The following ATP6V0A4 variants were observed in gnomAD, a reference collection of about 807,000 sequenced individuals.
ATP6V0A4 encodes V-type proton ATPase 116 kDa subunit a 4.
Under a neutral mutation model 107.3 loss-of-function variants are expected in ATP6V0A4, and 86 were observed. That is an observed-to-expected ratio of 0.80 (90% CI 0.67 to 0.96). The LOEUF (loss-of-function observed/expected upper bound fraction) is 0.96, where lower values mean the gene tolerates loss of function less well. Ranked by LOEUF, ATP6V0A4 falls within the 40% of genes least tolerant of loss-of-function variation. The probability of loss-of-function intolerance (pLI) is 0.00; values close to 1 mark genes in which losing one functional copy is unlikely to be tolerated. For synonymous variants in ATP6V0A4, 353 were observed against 381.4 expected, an observed-to-expected ratio of 0.93 and a Z score of 0.87; for missense variants, 908 against 1,045.6, an observed-to-expected ratio of 0.87 and a Z score of 1.81.
chr7:138,790,790 C>T (rs1431092466), intron 1 of ATP6V0A4, among the ~76,000 whole-genome samples: 1 of 152,166 alleles, frequency 6.6e-6, no homozygotes, highest in East Asian at 1.9e-4. Flanking sequence ...AACTGACACA[C>T]ATCGTCTCAA....
intron 20 of ATP6V0A4, among the ~76,000 whole-genome samples, chr7:138,710,610 T>C (rs578123962): frequency 6.6e-6 from 1 of 152,330 alleles, no homozygotes; most frequent in Admixed American, 6.5e-5. Flanking sequence ...AAAATGTTTT[T>C]AAAAAGATTG....
At chr7:138,752,123 A>G (rs6964361) in intron 11 of ATP6V0A4, among the ~76,000 whole-genome samples, 1 of 152,084 alleles carries the variant, frequency 6.6e-6, no homozygotes, top group African/African-American at 2.4e-5. Context: ...TAATGTCAGC[A>G]CTTTGGGAGG....
intron 1 of ATP6V0A4, among the ~76,000 whole-genome samples, chr7:138,791,814 T>C (rs1264980378): frequency 6.6e-6 from 1 of 152,162 alleles, no homozygotes; most frequent in African/African-American, 2.4e-5. Context: ...TACTAAATGG[T>C]ATTCTTCAAA....
rs1211079839 is a variant in ATP6V0A4, at chr7:138,784,214, T to TTATATATA, written c.-18+1936_-18+1943dup. Among the ~76,000 whole-genome samples the TTATATATA allele has an allele frequency of 4.4e-4, 37 of 83,554 alleles. 1 individual carries two copies. Among genetic ancestry groups the TTATATATA allele is most frequent in the African/African-American group, 2.1e-3 (35 of 16,352 alleles). 54.8% of individuals were successfully genotyped at this position (83,554 alleles called of 152,430 possible). A position where few individuals can be genotyped will look rare whatever the true frequency, so the allele number is the denominator to read the frequency against. On this transcript the variant is annotated intron_variant, in intron 2 of 21. Coordinates refer to ENST00000310018, the MANE Select transcript of ATP6V0A4 (RefSeq NM_020632.3). ...TAATCCACCTATGAATCCTTAAACA[T>TTATATATA]TATATATATATATATATATACGTAT...
At chr7:138,730,341 A>AGAGTGT (rs1804932668) in intron 17 of ATP6V0A4, among the ~76,000 whole-genome samples, 1 of 140,040 alleles carries the variant, frequency 7.1e-6, no homozygotes, top group Admixed American at 7.2e-5. Context: ...CAACGGGATG[A>AGAGTGT]GTGTGTGTGT....
Position 138,767,922 on chromosome 7 carries a change from G to T in ATP6V0A4, c.291+858C>A, listed in dbSNP as rs183956283. On this transcript the variant is annotated intron_variant, in intron 5 of 21. Coordinates refer to ENST00000310018, the MANE Select transcript of ATP6V0A4 (RefSeq NM_020632.3). ...CCTTGCACGTGGCAGGTATTCAGTG[G>T]TTTTTTTGTTTGTTTGTTTGTTTGT... is the stretch of plus-strand genomic sequence containing the variant. Among the ~76,000 whole-genome samples the T allele has an allele frequency of 2.0e-3, 298 of 152,000 alleles. 1 individual carries two copies. The highest frequency in any genetic ancestry group is 6.8e-3 in the African/African-American group (281 of 41,480).
chr7:138,793,428 A>G (rs1350426556), intron 1 of ATP6V0A4, among the ~76,000 whole-genome samples: 1 of 152,256 alleles, frequency 6.6e-6, no homozygotes, highest in African/African-American at 2.4e-5. Flanking sequence ...AAAAGTTGAC[A>G]AAACTACAGG....
At chr7:138,711,867 C>T (rs1459372606) in intron 20 of ATP6V0A4, among the ~76,000 whole-genome samples, 1 of 152,242 alleles carries the variant, frequency 6.6e-6, no homozygotes. Context: ...ATGAGCATGT[C>T]TTTACTCCTG....
chr7:138,747,668 A>C, intron 12 of ATP6V0A4, 104 bp from the exon 13 acceptor site: 5 of 1,527,564 alleles, frequency 3.3e-6, no homozygotes, highest in African/African-American at 1.4e-5. Context: ...GGTTTCCTTA[A>C]GCCTTTCTGG....
At position 138,752,732 on chromosome 7, in the gene ATP6V0A4, T is replaced by G. The variant is rs1411293055; in HGVS notation, c.922A>C (p.Ile308Leu). The change falls in exon 11 of 22, where the codon ATC becomes CTC. Residue 308 changes from isoleucine to leucine, a missense_variant. Transcript: ENST00000310018. ...ACGTCGATGTTGCACATGTTCAGGA[T>G]GTGGTAGACAGCTTTCATCTTCTGC... ...KVQKMKAVYH[I>L]LNMCNIDVTQ... 3.7e-6 allele frequency: 6 copies of G among 1,614,048 alleles called. No individual in the cohort carries two copies. Among genetic ancestry groups the G allele is most frequent in the Non-Finnish European group, 5.1e-6 (6 of 1,180,032 alleles).
chr7:138,725,247 G>C (rs1051854028), intron 18 of ATP6V0A4, among the ~76,000 whole-genome samples: 1 of 152,170 alleles, frequency 6.6e-6, no homozygotes, highest in Non-Finnish European at 1.5e-5. Flanking sequence ...CTGGGCAACA[G>C]AGCAAGACCC....
intron 8 of ATP6V0A4, among the ~76,000 whole-genome samples, chr7:138,757,639 G>A (rs369797427): frequency 2.6e-5 from 4 of 152,132 alleles, no homozygotes; most frequent in South Asian, 4.2e-4. Flanking sequence ...GCCATTTGTC[G>A]GGACCTATCG....
At chr7:138,741,654 G>T (rs761605525) in intron 14 of ATP6V0A4, among the ~76,000 whole-genome samples, 2 of 152,116 alleles carry the variant, frequency 1.3e-5, no homozygotes, top group Non-Finnish European at 2.9e-5. Context: ...CAACATCCCC[G>T]CCTCCTAACA....
Position 138,745,234 on chromosome 7 carries a change from C to A in ATP6V0A4, c.1367G>T (p.Gly456Val), listed in dbSNP as rs571570892. The stretch of plus-strand genomic sequence containing the variant: ...CAAACCCGTGTAGATGGAGAAGATG[C>A]CCATAAGTAGGATCAGATAGCGCCC... ...FHGRYLILLMGIFSIYTGLIY... is the reference protein window; with the variant it reads ...FHGRYLILLMVIFSIYTGLIY... Residue 456 changes from glycine to valine, a missense_variant, in exon 14 of 22, where the codon GGC becomes GTC. Gly to Val is a moderately radical substitution (Grantham distance 109). Transcript: ENST00000310018. 1 of 1,611,436 alleles carries A rather than the reference C, an allele frequency of 6.2e-7. No individual in the cohort carries two copies. Among genetic ancestry groups the A allele is most frequent in the African/African-American group, 1.3e-5 (1 of 74,094 alleles).
At chr7:138,718,572 A>AGGCATGGG (rs1804247490) in intron 19 of ATP6V0A4, among the ~76,000 whole-genome samples, 1 of 15,022 alleles carries the variant, frequency 6.7e-5, no homozygotes, top group African/African-American at 3.5e-4. Flanking sequence ...AGACATCCGG[A>AGGCATGGG]GAGGCATGGG....
chr7:138,723,740 G>A (rs1336633044), intron 18 of ATP6V0A4, among the ~76,000 whole-genome samples: 1 of 151,620 alleles, frequency 6.6e-6, no homozygotes, highest in Non-Finnish European at 1.5e-5. Flanking sequence ...TGGCCAGGGT[G>A]ATCTCGAACT....
rs772623818 is a variant in ATP6V0A4 at position 138,706,591 on chromosome 7, A to G, written c.*33T>C. Reference sequence around the variant, plus strand: ...ACAAGACTGAACTTCCTTCATTGGCATGGTGACCACCGTGGGAGGTGCAGC... The same window carrying G: ...ACAAGACTGAACTTCCTTCATTGGCGTGGTGACCACCGTGGGAGGTGCAGC... On this transcript the variant is annotated 3_prime_UTR_variant, in exon 22 of 22. Transcript: ENST00000310018. The G allele has an allele frequency of 1.2e-6, 2 of 1,612,666 alleles. No homozygotes were observed. Among genetic ancestry groups the G allele is most frequent in the Non-Finnish European group, 1.7e-6 (2 of 1,179,012 alleles).
At chr7:138,758,436 G>T (rs547998143) in intron 8 of ATP6V0A4, among the ~76,000 whole-genome samples, 4 of 152,070 alleles carry the variant, frequency 2.6e-5, no homozygotes, top group Admixed American at 2.0e-4. Context: ...TCATCAAAAT[G>T]AATTTTGTTG....
At position 138,798,195 on chromosome 7, in the gene ATP6V0A4, A is replaced by T; in HGVS notation, c.-282T>A. ...CTCGGCTTGCTCGGCAGGTAGCGTT[A>T]TGAGCTTTATTCATGGCCAGGCTGG... On this transcript the variant is annotated 5_prime_UTR_variant, in exon 1 of 22. Coordinates refer to ENST00000310018, the MANE Select transcript of ATP6V0A4 (RefSeq NM_020632.3). The T allele has an allele frequency of 6.3e-7, 1 of 1,582,924 alleles. No homozygotes were observed. The highest frequency in any genetic ancestry group is 8.6e-7 in the Non-Finnish European group (1 of 1,164,948).
Sources: allele counts gnomAD v4.1 joint callset (sites outside exome capture counted in the v4.1 genomes callset), GRCh38; gene constraint gnomAD v4.1.1; transcripts MANE v1.5; gene names NCBI Gene and HGNC (gene_info 2026-07-23, HGNC 2026-07-21).